The following ACSL6 variants were observed in gnomAD, a reference collection of about 807,000 sequenced individuals.
ACSL6 encodes the protein long-chain-fatty-acid--CoA ligase 6.
Under a neutral mutation model 98.2 loss-of-function variants are expected in ACSL6, and 47 were observed. The observed-to-expected ratio is 0.48, with a 90% CI of 0.38 to 0.61. ACSL6 has a LOEUF of 0.61. Among genes scored for constraint, ACSL6 ranks in the 20% least tolerant of loss-of-function variants. The pLI is 0.00. For synonymous variants in ACSL6, 362 were observed against 336.9 expected (o/e 1.07, Z -0.82); for missense variants, 761 against 913.4 (o/e 0.83, Z 2.15).
chr5:132,007,430 T>C lies in ACSL6; in HGVS notation c.49+4075A>G, dbSNP rs1007575457. 4.7e-4 allele frequency among the ~76,000 whole-genome samples: 71 copies of C among 152,194 alleles called. 1 individual carries two copies. The highest frequency in any genetic ancestry group is 2.0e-4 in the Admixed American group (3 of 15,286). The stretch of plus-strand genomic sequence containing the variant: ...GCATGTCAGAATCCTGGATCCCCTT[T>C]AAGGAAAGCCTAATACAAGTTATTA... On this transcript the variant is annotated intron_variant, in intron 1 of 20. Coordinates refer to ENST00000651883, the MANE Select transcript of ACSL6 (RefSeq NM_001009185.3).
chr5:131,958,928 A>G (rs1331464691), intron 20 of ACSL6, among the ~76,000 whole-genome samples: 2 of 152,046 alleles, frequency 1.3e-5, no homozygotes, highest in Admixed American at 1.3e-4. Context: ...CATTTGAAGC[A>G]TTTTTCTCTT....
chr5:131,992,345 T>C (rs1279355753), intron 2 of ACSL6, among the ~76,000 whole-genome samples: 6 of 152,112 alleles, frequency 3.9e-5, no homozygotes, highest in Non-Finnish European at 8.8e-5. Context: ...ATCTGAATTA[T>C]TTCCCACCAC....
In ACSL6 at chr5:131,989,403, T is replaced by C. The variant is rs758116693; in HGVS notation, c.552+4A>G. On this transcript the variant is annotated splice_donor_region_variant and intron_variant, in intron 5 of 20. Transcript: ENST00000651883. ...CTCTAAAACCAGTCAAGGTAGATGCTCACCTCTGGCCGATTTTGTGCAAAA... is the reference window on the plus strand; with the variant it reads ...CTCTAAAACCAGTCAAGGTAGATGCCCACCTCTGGCCGATTTTGTGCAAAA... 1.1e-5 allele frequency: 18 copies of C among 1,613,508 alleles called. No individual in the cohort carries two copies. The highest frequency in any genetic ancestry group is 1.5e-5 in the Non-Finnish European group (18 of 1,179,760).
intron 14 of ACSL6, 56 bp from the exon 15 acceptor site, chr5:131,970,256 G>A (rs1160644701): frequency 6.5e-7 from 1 of 1,540,450 alleles, no homozygotes; most frequent in East Asian, 2.2e-5. Context: ...AGAGCTAACT[G>A]GCCACCCCTT....
chr5:131,998,012 G>A (rs1001406280), intron 1 of ACSL6, among the ~76,000 whole-genome samples: 4 of 152,184 alleles, frequency 2.6e-5, no homozygotes, highest in African/African-American at 9.7e-5. Context: ...CAGAGCCTAG[G>A]CCTTGGAGTC....
At chr5:132,009,250 C>G (rs1394266470) in intron 1 of ACSL6, among the ~76,000 whole-genome samples, 2 of 152,192 alleles carry the variant, frequency 1.3e-5, no homozygotes, top group African/African-American at 4.8e-5. Context: ...GAGGGAAACC[C>G]TTGCCTGGCC....
chr5:132,005,658 G>A (rs1203110545), intron 1 of ACSL6, among the ~76,000 whole-genome samples: 1 of 152,262 alleles, frequency 6.6e-6, no homozygotes, highest in African/African-American at 2.4e-5. Context: ...CTGCAGCAAA[G>A]CTAAGGCTGG....
chr5:131,972,195 T>C (rs935221718), intron 13 of ACSL6, among the ~76,000 whole-genome samples: 7 of 152,204 alleles, frequency 4.6e-5, no homozygotes, highest in Non-Finnish European at 1.0e-4. Context: ...AAAAAATGAA[T>C]AATGCTACTA....
At chr5:131,995,061 C>T (rs1217579254) in intron 1 of ACSL6, among the ~76,000 whole-genome samples, 2 of 152,156 alleles carry the variant, frequency 1.3e-5, no homozygotes, top group Non-Finnish European at 2.9e-5. Flanking sequence ...GCTGTGTGCG[C>T]TCCCCGGGGG....
chr5:131,986,979 AC>A, intron 7 of ACSL6, 125 bp from the exon 8 acceptor site: 5 of 83,566 alleles, frequency 6.0e-5, no homozygotes, highest in South Asian at 5.5e-4. Context: ...ATACCCACAC[AC>A]TCACACACAC....
rs1371491782 is a variant in ACSL6, at chr5:131,989,003, T to C, written c.553-99A>G. On this transcript the variant is annotated intron_variant, in intron 5 of 20. Coordinates refer to ENST00000651883, the MANE Select transcript of ACSL6 (RefSeq NM_001009185.3). ...ACCAGCGTCCCTGCTCTAAGCCCTA[T>C]GCCTGTGGCAAGGAATCCATGAGGT... The C allele has an allele frequency of 7.6e-6, 8 of 1,057,924 alleles. 1 individual carries two copies. Among genetic ancestry groups the C allele is most frequent in the Admixed American group, 3.7e-5 (2 of 53,966 alleles). 65.5% of individuals were successfully genotyped at this position (1,057,924 alleles called of 1,614,324 possible).
At chr5:131,968,416 T>C (rs1054688711) in intron 15 of ACSL6, among the ~76,000 whole-genome samples, 7 of 152,200 alleles carry the variant, frequency 4.6e-5, no homozygotes, top group Admixed American at 1.3e-4. Context: ...TTGGGGATCA[T>C]AAAATATAGC....
At chr5:131,996,180 T>C (rs544256660) in intron 1 of ACSL6, among the ~76,000 whole-genome samples, 1 of 152,332 alleles carries the variant, frequency 6.6e-6, no homozygotes, top group East Asian at 1.9e-4. Context: ...AGAAGCTTCC[T>C]TGAGCTGGGT....
chr5:131,992,544 T>A (rs892811481), intron 2 of ACSL6, among the ~76,000 whole-genome samples: 1 of 152,134 alleles, frequency 6.6e-6, no homozygotes, highest in African/African-American at 2.4e-5. Context: ...TCATCCCATG[T>A]CCTGTCTTCC....
chr5:131,965,443 A>C (rs1752966330), intron 17 of ACSL6, among the ~76,000 whole-genome samples: 1 of 152,198 alleles, frequency 6.6e-6, no homozygotes, highest in South Asian at 2.1e-4. Flanking sequence ...ATCCAGGCTG[A>C]GTGCAGTGGC....
chr5:131,975,576 C>T, intron 10 of ACSL6: 7 of 983,552 alleles, frequency 7.1e-6, no homozygotes, highest in Non-Finnish European at 8.4e-6. Flanking sequence ...AAACCCCAAA[C>T]ACTGGCTGAG....
At chr5:131,961,225 A>C (rs1752688188) in intron 18 of ACSL6, among the ~76,000 whole-genome samples, 1 of 151,864 alleles carries the variant, frequency 6.6e-6, no homozygotes, top group Non-Finnish European at 1.5e-5. Flanking sequence ...GGGTTTAACC[A>C]TGTTGCCCAG....
chr5:131,983,695 CCAGCT>C (rs1754018771), intron 9 of ACSL6: 1 of 152,358 alleles, frequency 6.6e-6, no homozygotes, highest in Non-Finnish European at 1.5e-5. Flanking sequence ...GCTCACTCCC[CCAGCT>C]CTGCCCAGGC....
At chr5:131,976,441 A>T (rs1716259580) in intron 10 of ACSL6, among the ~76,000 whole-genome samples, 1 of 152,012 alleles carries the variant, frequency 6.6e-6, no homozygotes, top group Non-Finnish European at 1.5e-5. Context: ...TTTGTCACGT[A>T]TGGGTCATTT....
Sources: gnomAD v4.1 joint callset for allele counts (sites outside exome capture counted in the v4.1 genomes callset) on GRCh38, gnomAD v4.1.1 for gene constraint, MANE v1.5 for transcripts, NCBI Gene and HGNC (gene_info 2026-07-23, HGNC 2026-07-21) for gene names.